The following FGF12 variants were observed in gnomAD, a reference collection of about 807,000 sequenced individuals.
FGF12 encodes the protein fibroblast growth factor 12B.
A neutral mutation model predicts 23.6 loss-of-function variants in FGF12; 14 were observed. That is an observed-to-expected ratio of 0.59 (90% CI 0.39 to 0.93). The LOEUF (loss-of-function observed/expected upper bound fraction) is 0.93, where lower values mean the gene tolerates loss of function less well. Ranked by LOEUF, FGF12 falls within the 40% of genes least tolerant of loss-of-function variation. The pLI, the probability that FGF12 is intolerant of heterozygous loss-of-function variation, is 0.00. For synonymous variants in FGF12, 62 were observed against 77.3 expected (o/e 0.80, Z 1.04); for missense variants, 175 against 217.8 (o/e 0.80, Z 1.24).
intron 3 of FGF12, among the ~76,000 whole-genome samples, chr3:192,358,275 A>G (rs1718564974): frequency 6.6e-6 from 1 of 152,182 alleles, no homozygotes; most frequent in South Asian, 2.1e-4. Context: ...ATTTTTAATT[A>G]ATTTTAAAGC....
At chr3:192,600,454 A>G in intron 2 of FGF12, among the ~76,000 whole-genome samples, 1 of 152,114 alleles carries the variant, frequency 6.6e-6, no homozygotes, top group Non-Finnish European at 1.5e-5. Context: ...TAGAGATTTC[A>G]CTGAATCTGT....
rs1200597977 is a variant in FGF12, at chr3:192,664,264, A to G, written c.13+62917T>C. Among the ~76,000 whole-genome samples the G allele has an allele frequency of 5.9e-5, 9 of 152,322 alleles. No individual in the cohort carries two copies. In the South Asian group the frequency reaches 8.3e-4, roughly 14 times the overall value. On this transcript the variant is annotated intron_variant, in intron 2 of 5. Coordinates refer to ENST00000445105, the MANE Select transcript of FGF12 (RefSeq NM_004113.6). Reference sequence around the variant, plus strand: ...ACAAAGTTACCACTGTGTGGATTAGACAAGTAGTAGCAACTGAGAAGCATT... The same window carrying G: ...ACAAAGTTACCACTGTGTGGATTAGGCAAGTAGTAGCAACTGAGAAGCATT...
At chr3:192,438,632 C>G (rs940031997) in intron 2 of FGF12, among the ~76,000 whole-genome samples, 38 of 152,292 alleles carry the variant, frequency 2.5e-4, no homozygotes, top group Admixed American at 1.6e-3. Context: ...GGTACCCAGA[C>G]AGGAGACCAG....
chr3:192,572,841 T>C (rs1288982560), intron 2 of FGF12, among the ~76,000 whole-genome samples: 1 of 152,182 alleles, frequency 6.6e-6, no homozygotes, highest in African/African-American at 2.4e-5. Context: ...GTATAGAACA[T>C]TTTAAAAGCC....
At chr3:192,581,243 A>G (rs1383871324) in intron 2 of FGF12, among the ~76,000 whole-genome samples, 2 of 151,880 alleles carry the variant, frequency 1.3e-5, no homozygotes, top group East Asian at 3.9e-4. Context: ...GAATTATAAG[A>G]CTCAAAGCAT....
chr3:192,605,301 A>C (rs1162087685), intron 2 of FGF12, among the ~76,000 whole-genome samples: 2 of 151,820 alleles, frequency 1.3e-5, no homozygotes, highest in Non-Finnish European at 2.9e-5. Context: ...GAATCTCTTG[A>C]ACCTGGGAGG....
chr3:192,727,129 T>G, intron 2 of FGF12, 52 bp downstream of exon 2: 1 of 1,561,906 alleles, frequency 6.4e-7, no homozygotes, highest in Non-Finnish European at 8.7e-7. Flanking sequence ...GAGGATTGCC[T>G]TGGCCACACG....
At chr3:192,527,248 C>A (rs190345666) in intron 2 of FGF12, among the ~76,000 whole-genome samples, 12 of 152,258 alleles carry the variant, frequency 7.9e-5, no homozygotes, top group Non-Finnish European at 1.2e-4. Context: ...GCCTTCCCTG[C>A]CTCCAGGACT....
At chr3:192,642,355 C>T (rs1715837804) in intron 2 of FGF12, among the ~76,000 whole-genome samples, 1 of 152,094 alleles carries the variant, frequency 6.6e-6, no homozygotes, top group Non-Finnish European at 1.5e-5. Flanking sequence ...CTGCCCTGAC[C>T]CCAGAACCCA....
At chr3:192,261,785 G>A (rs554207358) in intron 4 of FGF12, among the ~76,000 whole-genome samples, 2 of 152,134 alleles carry the variant, frequency 1.3e-5, no homozygotes, top group Non-Finnish European at 2.9e-5. Flanking sequence ...AGAGTCAGAC[G>A]AGGAAAACTC....
At chr3:192,549,001 T>C (rs993206863) in intron 2 of FGF12, among the ~76,000 whole-genome samples, 3 of 152,190 alleles carry the variant, frequency 2.0e-5, no homozygotes, top group Non-Finnish European at 4.4e-5. Flanking sequence ...ACTTCTCTAT[T>C]ATAAACCACT....
chr3:192,379,149 C>T (rs1353783277), intron 2 of FGF12, among the ~76,000 whole-genome samples: 2 of 152,154 alleles, frequency 1.3e-5, no homozygotes, highest in African/African-American at 2.4e-5. Flanking sequence ...TTTATCCAAT[C>T]CACCATCGAT....
At chr3:192,657,443 T>G (rs1040239046) in intron 2 of FGF12, among the ~76,000 whole-genome samples, 3 of 150,276 alleles carry the variant, frequency 2.0e-5, no homozygotes, top group Admixed American at 6.6e-5. Context: ...CAGAGAACTA[T>G]TAGAACTGTA....
intron 4 of FGF12, among the ~76,000 whole-genome samples, chr3:192,209,907 C>G (rs1717841116): frequency 6.6e-6 from 1 of 152,154 alleles, no homozygotes; most frequent in Non-Finnish European, 1.5e-5. Flanking sequence ...GAACATTAGT[C>G]ACATGTTGTA....
At chr3:192,359,874 A>G (rs1718640299) in intron 3 of FGF12, among the ~76,000 whole-genome samples, 1 of 150,630 alleles carries the variant, frequency 6.6e-6, no homozygotes, top group Non-Finnish European at 1.5e-5. Context: ...TATTATATGT[A>G]CCATATGTAA....
intron 2 of FGF12, among the ~76,000 whole-genome samples, chr3:192,366,524 T>A (rs918168031): frequency 6.6e-6 from 1 of 152,204 alleles, no homozygotes; most frequent in Non-Finnish European, 1.5e-5. Context: ...TTGTTTTATT[T>A]ATTATGCATA....
chr3:192,290,844 C>T (rs1446133175), intron 4 of FGF12, among the ~76,000 whole-genome samples: 2 of 152,070 alleles, frequency 1.3e-5, no homozygotes, highest in African/African-American at 4.8e-5. Flanking sequence ...ATATAGGAAT[C>T]TTAGAATCAA....
chr3:192,578,997 T>G (rs2108612451), intron 2 of FGF12, among the ~76,000 whole-genome samples: 1 of 152,342 alleles, frequency 6.6e-6, no homozygotes, highest in East Asian at 1.9e-4. Flanking sequence ...AAAATGTCTA[T>G]CACCAAATCT....
intron 4 of FGF12, among the ~76,000 whole-genome samples, chr3:192,313,915 T>C (rs114596755): frequency 5.6e-4 from 85 of 152,352 alleles, no homozygotes; most frequent in African/African-American, 1.9e-3. Flanking sequence ...TGAAGCCTAA[T>C]GCTCAATGTG....
Sources: gnomAD v4.1 joint callset for allele counts (sites outside exome capture counted in the v4.1 genomes callset) on GRCh38, gnomAD v4.1.1 for gene constraint, MANE v1.5 for transcripts, NCBI Gene and HGNC (gene_info 2026-07-23, HGNC 2026-07-21) for gene names.